The following RANBP2 variants were observed in gnomAD, a reference collection of about 807,000 sequenced individuals.
RANBP2 encodes the protein E3 SUMO-protein ligase RanBP2.
In RANBP2, 57 loss-of-function variants were observed where a neutral mutation model predicts 303.6. That is an observed-to-expected ratio of 0.19 (90% CI 0.15 to 0.23). The LOEUF is 0.23. Ranked by LOEUF, RANBP2 falls within the 10% of genes least tolerant of loss-of-function variation. The pLI, the probability that RANBP2 is intolerant of heterozygous loss-of-function variation, is 1.00. For synonymous variants in RANBP2, 1,167 were observed against 1,301.5 expected (o/e 0.90, Z 2.23); for missense variants, 3,138 against 3,780.8 (o/e 0.83, Z 4.46).
At chr2:109,195,856 G>A in the RANBP2 span, among the ~76,000 whole-genome samples, 1 of 152,154 alleles carries the variant, frequency 6.6e-6, no homozygotes, top group African/African-American at 2.4e-5. Context: ...ATGGAGTCTG[G>A]CTATGCGTTT....
chr2:108,991,041 T>C, the RANBP2 span, among the ~76,000 whole-genome samples: 1 of 152,124 alleles, frequency 6.6e-6, no homozygotes, highest in Non-Finnish European at 1.5e-5. Flanking sequence ...CCAAAAGGAA[T>C]GATACTGATA....
the RANBP2 span, among the ~76,000 whole-genome samples, chr2:109,606,105 T>C: frequency 2.0e-5 from 3 of 152,302 alleles, no homozygotes; most frequent in African/African-American, 4.8e-5. Flanking sequence ...ACTCAGCTCA[T>C]GGGCTGGGAG....
At chr2:109,600,960 G>A in the RANBP2 span, among the ~76,000 whole-genome samples, 2 of 152,194 alleles carry the variant, frequency 1.3e-5, no homozygotes, top group Non-Finnish European at 2.9e-5. Flanking sequence ...ACATGTGGAA[G>A]AGTCCCAAGC....
intron 4 of RANBP2, among the ~76,000 whole-genome samples, chr2:108,733,618 A>G (rs1322029661): frequency 3.9e-5 from 6 of 152,112 alleles, no homozygotes; most frequent in Non-Finnish European, 7.4e-5. Flanking sequence ...TTAATCTAAA[A>G]CGTGAGGTCT....
chr2:109,286,290 G>A, the RANBP2 span, among the ~76,000 whole-genome samples: 1 of 152,192 alleles, frequency 6.6e-6, no homozygotes, highest in East Asian at 1.9e-4. Flanking sequence ...ATGGAAAAGT[G>A]TGGTCAAGGG....
the RANBP2 span, among the ~76,000 whole-genome samples, chr2:109,258,214 G>A: frequency 2.6e-5 from 4 of 152,302 alleles, no homozygotes; most frequent in South Asian, 2.1e-4. Context: ...TAGTGGCCAG[G>A]TTTCCAGGAG....
At chr2:109,454,207 C>G in the RANBP2 span, among the ~76,000 whole-genome samples, 3 of 152,170 alleles carry the variant, frequency 2.0e-5, no homozygotes, top group African/African-American at 7.2e-5. Flanking sequence ...ACAACAATTA[C>G]AATCCTCATT....
chr2:109,006,589 G>GGAGT, the RANBP2 span, among the ~76,000 whole-genome samples: 5 of 152,184 alleles, frequency 3.3e-5, no homozygotes, highest in Non-Finnish European at 7.3e-5. Flanking sequence ...GCAGCCCAAG[G>GGAGT]GAGTGACCTC....
the RANBP2 span, among the ~76,000 whole-genome samples, chr2:109,525,254 G>A: frequency 1.3e-5 from 2 of 152,018 alleles, no homozygotes; most frequent in East Asian, 1.9e-4. Flanking sequence ...TCCCGGGTTC[G>A]AGAGATTCTT....
At position 108,783,806 on chromosome 2, in the gene RANBP2, G is replaced by T; in HGVS notation, c.9580G>T (p.Asp3194Tyr). 1 of 1,612,218 alleles carries T rather than the reference G, an allele frequency of 6.2e-7. No homozygotes were observed. Among genetic ancestry groups the T allele is most frequent in the African/African-American group, 1.3e-5 (1 of 74,998 alleles). ...FKHVVFGFVK[D>Y]GMDTVKKIES... is the part of the protein sequence containing the mutation. ...GCATGTAGTATTTGGGTTTGTTAAG[G>T]ATGGCATGGATACTGTGAAAAAGAT... Residue 3194 changes from aspartate to tyrosine, a missense_variant, in exon 29 of 29, where the codon GAT becomes TAT. This residue lies in a region of RANBP2 where 22 missense variants were observed against 48.8 expected (regional missense o/e 0.45). Coordinates refer to ENST00000283195, the MANE Select transcript of RANBP2 (RefSeq NM_006267.5).
the RANBP2 span, among the ~76,000 whole-genome samples, chr2:109,020,792 T>C: frequency 6.6e-6 from 1 of 152,230 alleles, no homozygotes; most frequent in African/African-American, 2.4e-5. Flanking sequence ...CCAAAAGCCA[T>C]AGCCAGTATA....
intron 7 of RANBP2, among the ~76,000 whole-genome samples, chr2:108,741,600 A>G (rs1280950571): frequency 1.7e-5 from 2 of 118,592 alleles, no homozygotes; most frequent in African/African-American, 3.3e-5. Context: ...CCACCTCCCG[A>G]GTTCACGCCA....
the RANBP2 span, among the ~76,000 whole-genome samples, chr2:108,869,398 T>A: frequency 6.6e-6 from 1 of 152,176 alleles, no homozygotes; most frequent in Non-Finnish European, 1.5e-5. Context: ...GCAGGACTAG[T>A]TTGAGGCATT....
At chr2:109,398,535 G>C in the RANBP2 span, 1 of 1,439,810 alleles carries the variant, frequency 6.9e-7, no homozygotes, top group Non-Finnish European at 9.3e-7. Context: ...CAGAGGGCTG[G>C]TGTGGCATGT....
chr2:109,089,510 A>G, the RANBP2 span, among the ~76,000 whole-genome samples: 3 of 152,102 alleles, frequency 2.0e-5, no homozygotes, highest in East Asian at 1.9e-4. Context: ...GGAGGCTGAG[A>G]TGCGAGGATT....
chr2:109,222,026 T>A, the RANBP2 span, among the ~76,000 whole-genome samples: 3 of 149,760 alleles, frequency 2.0e-5, no homozygotes, highest in Non-Finnish European at 4.4e-5. Flanking sequence ...TTCAAAAGAA[T>A]GAAATCATGT....
chr2:108,764,374 G>A lies in RANBP2; in HGVS notation c.3835G>A (p.Glu1279Lys), dbSNP rs1676962046. The A allele has an allele frequency of 6.2e-7, 1 of 1,613,766 alleles. No individual in the cohort carries two copies. Among genetic ancestry groups the A allele is most frequent in the African/African-American group, 1.3e-5 (1 of 74,898 alleles). ...TTATGCAGATGAGTTGCCAAAACCA[G>A]AACAACTTGCTATTAGGTTCAAAAC... ...LDYADELPKP[E>K]QLAIRFKTPE... is the part of the protein sequence containing the mutation. Residue 1279 changes from glutamate (E) to lysine (K), a missense_variant, in exon 20 of 29, where the codon GAA becomes AAA. By Grantham distance (56) the Glu-to-Lys change is moderately conservative. This residue lies in a region of RANBP2 where 72 missense variants were observed against 119.5 expected (regional missense o/e 0.60). Coordinates refer to ENST00000283195, the MANE Select transcript of RANBP2 (RefSeq NM_006267.5).
At chr2:109,140,212 G>A in the RANBP2 span, among the ~76,000 whole-genome samples, 14 of 152,182 alleles carry the variant, frequency 9.2e-5, no homozygotes, top group Admixed American at 1.3e-4. Flanking sequence ...ATTGATGCAC[G>A]TGGTTGCATG....
At chr2:109,556,879 A>T in the RANBP2 span, among the ~76,000 whole-genome samples, 1 of 152,192 alleles carries the variant, frequency 6.6e-6, no homozygotes, top group African/African-American at 2.4e-5. Flanking sequence ...AGGGACATGG[A>T]TGAAGCTGGA....
Sources: gnomAD v4.1 joint callset for allele counts (sites outside exome capture counted in the v4.1 genomes callset) on GRCh38, gnomAD v4.1.1 for gene constraint, gnomAD v4.1.1 regional missense constraint, MANE v1.5 for transcripts, NCBI Gene and HGNC (gene_info 2026-07-23, HGNC 2026-07-21) for gene names.